AKAP9: variants seen among roughly 807,000 people sequenced by gnomAD.
The protein encoded by AKAP9 is A-kinase anchor protein 9.
In AKAP9, 311 loss-of-function variants were observed where a neutral mutation model predicts 488.5. That is an observed-to-expected ratio of 0.64 (90% CI 0.58 to 0.70). AKAP9 has a LOEUF of 0.70. Ranked by LOEUF, AKAP9 falls within the 30% of genes least tolerant of loss-of-function variation. The probability of loss-of-function intolerance (pLI) is 0.00; values close to 1 mark genes in which losing one functional copy is unlikely to be tolerated. For missense variants in AKAP9, 4,215 were observed against 4,374.5 expected (o/e 0.96, Z 1.03); for synonymous variants, 1,462 against 1,483.5 (o/e 0.99, Z 0.33).
Position 92,107,304 on chromosome 7 carries a change from A to C in AKAP9, c.11428A>C (p.Thr3810Pro), listed in dbSNP as rs1254426170. ...TTGGGTTACTTTAGGTGCAGAAAAG[A>C]CTGACTCATTTTATCATTCTTCTGG... ...GFGLNQGAEK[T>P]DSFYHSSGGL... The change falls in exon 48 of 50, where the codon ACT becomes CCT. Residue 3810 changes from threonine to proline, a missense_variant. Thr to Pro is a conservative substitution (Grantham distance 38). Coordinates refer to ENST00000356239, the MANE Select transcript of AKAP9 (RefSeq NM_005751.5). 6.2e-7 allele frequency: 1 copy of C among 1,613,990 alleles called. No homozygotes were observed. The highest frequency in any genetic ancestry group is 8.5e-7 in the Non-Finnish European group (1 of 1,179,958).
intron 20 of AKAP9, among the ~76,000 whole-genome samples, chr7:92,043,641 C>T (rs543822349): frequency 6.6e-6 from 1 of 151,806 alleles, no homozygotes; most frequent in South Asian, 2.1e-4. Flanking sequence ...GAAATAAAAC[C>T]CTTGGCTTCC....
intron 1 of AKAP9, among the ~76,000 whole-genome samples, chr7:91,954,596 G>A (rs149108219): frequency 6.6e-6 from 1 of 152,158 alleles, no homozygotes. Flanking sequence ...AAAGAAAGAA[G>A]GGGAAAATAA....
chr7:92,037,023 C>G (rs1484723135), intron 16 of AKAP9, among the ~76,000 whole-genome samples: 2 of 152,078 alleles, frequency 1.3e-5, no homozygotes, highest in Non-Finnish European at 2.9e-5. Flanking sequence ...TGCTTGAGCT[C>G]TGTATAGACA....
chr7:92,002,364 C>G lies in AKAP9; in HGVS notation c.2447C>G (p.Ser816Cys). The change falls in exon 8 of 50, where the codon TCT becomes TGT. Residue 816 changes from serine to cysteine, a missense_variant. Around this residue, in one of 5 missense-constraint regions of AKAP9, gnomAD observed 2,361 missense variants for 2,430.0 expected, o/e 0.97. Transcript: ENST00000356239. Reference protein sequence around the residue: ...LDSIKSKSKDSVWEKEIEILI... With the variant: ...LDSIKSKSKDCVWEKEIEILI... ...TCCATTAAGTCCAAATCCAAAGACTCTGTGTGGGAAAAAGAAATAGAAATA... is the reference window on the plus strand; with the variant it reads ...TCCATTAAGTCCAAATCCAAAGACTGTGTGTGGGAAAAAGAAATAGAAATA... The G allele has an allele frequency of 3.1e-6, 5 of 1,612,280 alleles. No individual in the cohort carries two copies. Among genetic ancestry groups the G allele is most frequent in the Non-Finnish European group, 3.4e-6 (4 of 1,179,258 alleles).
At chr7:92,096,435 A>G (rs959952593) in intron 40 of AKAP9, among the ~76,000 whole-genome samples, 2 of 151,594 alleles carry the variant, frequency 1.3e-5, no homozygotes, top group African/African-American at 4.9e-5. Context: ...CCCGGGTTCA[A>G]GCAATTCGCC....
At chr7:91,953,421 A>G (rs1792527138) in intron 1 of AKAP9, among the ~76,000 whole-genome samples, 1 of 152,234 alleles carries the variant, frequency 6.6e-6, no homozygotes, top group South Asian at 2.1e-4. Flanking sequence ...TCTAGGCTCA[A>G]ATCCTGACTG....
intron 22 of AKAP9, chr7:92,058,279 T>G (rs766391657): frequency 1.7e-6 from 1 of 584,820 alleles, no homozygotes; most frequent in East Asian, 3.8e-5. Context: ...TACCACATCC[T>G]TTTCCTCTTT....
chr7:92,070,537 C>A (rs990491264), intron 27 of AKAP9, among the ~76,000 whole-genome samples: 1 of 151,984 alleles, frequency 6.6e-6, no homozygotes, highest in Non-Finnish European at 1.5e-5. Flanking sequence ...CGAGTTCAAG[C>A]GATTCTTCTG....
chr7:92,078,125 T>A (rs1223899898), intron 30 of AKAP9, among the ~76,000 whole-genome samples: 1 of 151,768 alleles, frequency 6.6e-6, no homozygotes, highest in African/African-American at 2.4e-5. Flanking sequence ...GCCTCCCGAG[T>A]AGCTGGGATT....
At chr7:91,970,131 C>T (rs937679906) in intron 1 of AKAP9, among the ~76,000 whole-genome samples, 2 of 151,500 alleles carry the variant, frequency 1.3e-5, no homozygotes, top group East Asian at 1.9e-4. Flanking sequence ...TAGGTTCAAG[C>T]AGTTATTTTA....
intron 1 of AKAP9, among the ~76,000 whole-genome samples, chr7:91,941,882 T>TGTGTGTG (rs1790803985): frequency 6.1e-5 from 9 of 147,848 alleles, no homozygotes; most frequent in Non-Finnish European, 1.2e-4. Context: ...CGAATCCTGG[T>TGTGTGTG]TGTGTGTGTG....
intron 47 of AKAP9, 33 bp downstream of exon 47, chr7:92,105,796 A>G (rs571816612): frequency 1.8e-5 from 29 of 1,567,780 alleles, no homozygotes; most frequent in Non-Finnish European, 2.5e-5. Context: ...TCTTATGTTT[A>G]TGACTCTCTA....
intron 3 of AKAP9, among the ~76,000 whole-genome samples, chr7:91,981,182 G>A (rs190658960): frequency 7.2e-5 from 11 of 152,164 alleles, no homozygotes; most frequent in African/African-American, 2.7e-4. Flanking sequence ...TGCCTCTATG[G>A]GAAGTATCTT....
intron 14 of AKAP9, among the ~76,000 whole-genome samples, chr7:92,029,497 A>G (rs910944824): frequency 6.6e-6 from 1 of 152,220 alleles, no homozygotes; most frequent in Non-Finnish European, 1.5e-5. Flanking sequence ...AAATGTTAGT[A>G]CTGGCCAAGC....
rs779331135 is a variant in AKAP9 at position 92,100,974 on chromosome 7, A to C, written c.11015A>C (p.Glu3672Ala). The C allele has an allele frequency of 4.3e-6, 7 of 1,614,196 alleles. No individual in the cohort carries two copies. In the East Asian group the frequency reaches 1.6e-4, roughly 36 times the overall value. ...LQKSLKRAEA[E>A]VYKLKAELRN... is the part of the protein sequence containing the mutation. Reference sequence around the variant, plus strand: ...AAATCTTTGAAAAGGGCAGAGGCTGAAGTATACAAACTGAAAGCTGAACTA... The same window carrying C: ...AAATCTTTGAAAAGGGCAGAGGCTGCAGTATACAAACTGAAAGCTGAACTA... Residue 3672 changes from glutamate (E) to alanine (A), a missense_variant, in exon 45 of 50, where the codon GAA becomes GCA. By Grantham distance (107) the Glu-to-Ala change is moderately radical (BLOSUM62 -1). Coordinates refer to ENST00000356239, the MANE Select transcript of AKAP9 (RefSeq NM_005751.5).
At chr7:92,004,942 T>C (rs1217495590) in intron 8 of AKAP9, among the ~76,000 whole-genome samples, 2 of 152,242 alleles carry the variant, frequency 1.3e-5, no homozygotes, top group Non-Finnish European at 2.9e-5. Flanking sequence ...CAGTATGATA[T>C]TGGCTGTGGG....
intron 2 of AKAP9, among the ~76,000 whole-genome samples, chr7:91,976,619 C>T (rs1160940461): frequency 6.6e-6 from 1 of 152,180 alleles, no homozygotes; most frequent in African/African-American, 2.4e-5. Flanking sequence ...TGTTACAGCA[C>T]ACATTTTACA....
At chr7:91,946,386 A>C (rs1791453605) in intron 1 of AKAP9, among the ~76,000 whole-genome samples, 2 of 132,102 alleles carry the variant, frequency 1.5e-5, no homozygotes, top group African/African-American at 5.8e-5. Context: ...CTAATTCATA[A>C]CCTTCAGGCT....
chr7:92,037,799 T>G (rs1805439255), intron 16 of AKAP9, among the ~76,000 whole-genome samples: 1 of 152,218 alleles, frequency 6.6e-6, no homozygotes, highest in Non-Finnish European at 1.5e-5. Context: ...TACAAATATT[T>G]CATCACACTG....
Sources: allele counts gnomAD v4.1 joint callset (sites outside exome capture counted in the v4.1 genomes callset), GRCh38; gene constraint gnomAD v4.1.1; regional missense constraint gnomAD v4.1.1; transcripts MANE v1.5; gene names NCBI Gene and HGNC (gene_info 2026-07-23, HGNC 2026-07-21).